Variants in NF2 observed in about 807,000 individuals in gnomAD.
NF2 encodes the protein merlin.
Under a neutral mutation model 83.7 loss-of-function variants are expected in NF2, and 8 were observed. The observed-to-expected ratio is 0.10, with a 90% confidence interval of 0.06 to 0.17. NF2 has a LOEUF of 0.17. Among genes scored for constraint, NF2 ranks in the 10% least tolerant of loss-of-function variants. The probability of loss-of-function intolerance (pLI) is 1.00; values close to 1 mark genes in which losing one functional copy is unlikely to be tolerated. For missense variants in NF2, 533 were observed against 744.4 expected (o/e 0.72, Z 3.31); for synonymous variants, 266 against 269.6 (o/e 0.99, Z 0.13).
chr22:29,656,890 G>T (rs2066328515), intron 6 of NF2, among the ~76,000 whole-genome samples: 1 of 133,914 alleles, frequency 7.5e-6, no homozygotes, highest in Non-Finnish European at 1.5e-5. Context: ...GTTTTTATCA[G>T]TCTAATTTTT....
intron 7 of NF2, among the ~76,000 whole-genome samples, chr22:29,659,123 C>G (rs559493759): frequency 1.3e-5 from 2 of 152,270 alleles, no homozygotes; most frequent in South Asian, 4.1e-4. Flanking sequence ...GAAAATAAGG[C>G]ACACTTAAAG....
intron 14 of NF2, among the ~76,000 whole-genome samples, chr22:29,679,170 C>CCAT (rs919282990): frequency 6.6e-6 from 1 of 152,220 alleles, no homozygotes; most frequent in Non-Finnish European, 1.5e-5. Flanking sequence ...TTAGTGAACT[C>CCAT]CACCAGCATC....
Position 29,640,654 on chromosome 22 carries a change from G to T in NF2, c.363+1442G>T, listed in dbSNP as rs571521448. Among the ~76,000 whole-genome samples the T allele has an allele frequency of 1.8e-4, 27 of 152,250 alleles. No individual in the cohort carries two copies. In the South Asian group the frequency reaches 5.4e-3, roughly 30 times the overall value. ...ATGATTTCCCAGAGATAGTTGGGTA[G>T]TCTGTCACATAGCCCTCCTGTAATT... On this transcript the variant is annotated intron_variant, in intron 3 of 15. Transcript: ENST00000338641.
At chr22:29,641,175 T>C (rs2065800636) in intron 3 of NF2, among the ~76,000 whole-genome samples, 1 of 133,792 alleles carries the variant, frequency 7.5e-6, no homozygotes, top group South Asian at 2.9e-4. Flanking sequence ...ATAGCGTTGC[T>C]TTTTCCCCCC....
chr22:29,660,718 A>G (rs953031407), intron 7 of NF2, among the ~76,000 whole-genome samples: 3 of 150,410 alleles, frequency 2.0e-5, no homozygotes, highest in African/African-American at 7.3e-5. Context: ...GCGTGCCACC[A>G]TGCCCGGCTA....
intron 3 of NF2, among the ~76,000 whole-genome samples, chr22:29,641,370 T>C (rs1296933380): frequency 1.3e-5 from 2 of 152,218 alleles, no homozygotes; most frequent in Non-Finnish European, 2.9e-5. Context: ...ATGGCTTTCT[T>C]GTAAGTACTT....
intron 1 of NF2, among the ~76,000 whole-genome samples, chr22:29,629,185 C>T (rs1165198926): frequency 6.6e-6 from 1 of 152,006 alleles, no homozygotes; most frequent in African/African-American, 2.4e-5. Flanking sequence ...GATGGTTTTG[C>T]GGTTTAATCA....
chr22:29,679,881 A>G (rs564997564), intron 14 of NF2, among the ~76,000 whole-genome samples: 3 of 150,562 alleles, frequency 2.0e-5, no homozygotes, highest in Admixed American at 2.0e-4. Context: ...AAAAAAAAAG[A>G]AAAGAAAGAA....
rs184700988 is a variant in NF2 at position 29,681,007 on chromosome 22, T to C, written c.1575-432T>C. 1.1e-4 allele frequency among the ~76,000 whole-genome samples: 17 copies of C among 151,982 alleles called. No individual in the cohort carries two copies. In the East Asian group the frequency reaches 2.5e-3, roughly 22 times the overall value. ...GAGCTGGTATTTGTAGAGCCCCCTA[T>C]GAGAATTTACCAAGGGCTTTTCTAC... On this transcript the variant is annotated intron_variant, in intron 14 of 15. Transcript: ENST00000338641.
At chr22:29,664,369 T>C (rs2147029783) in intron 8 of NF2, among the ~76,000 whole-genome samples, 1 of 120,282 alleles carries the variant, frequency 8.3e-6, no homozygotes, top group Admixed American at 8.3e-5. Context: ...AAAAAGCTAA[T>C]ACCACACACA....
intron 3 of NF2, among the ~76,000 whole-genome samples, chr22:29,641,982 T>G (rs1001111085): frequency 6.6e-6 from 1 of 152,124 alleles, no homozygotes; most frequent in Non-Finnish European, 1.5e-5. Context: ...AGAGAAGAGA[T>G]AAGGGGTTTT....
At chr22:29,630,155 A>T (rs773413538) in intron 1 of NF2, among the ~76,000 whole-genome samples, 21 of 152,252 alleles carry the variant, frequency 1.4e-4, no homozygotes, top group Non-Finnish European at 1.0e-4. Flanking sequence ...GCCAGTTGCA[A>T]GATGGCTGTT....
chr22:29,687,410 C>T (rs2067296740), intron 15 of NF2, among the ~76,000 whole-genome samples: 1 of 152,112 alleles, frequency 6.6e-6, no homozygotes, highest in African/African-American at 2.4e-5. Context: ...TGTGCAGGCT[C>T]CCCTTGGAGT....
At chr22:29,627,035 C>T (rs960177847) in intron 1 of NF2, among the ~76,000 whole-genome samples, 9 of 151,966 alleles carry the variant, frequency 5.9e-5, no homozygotes, top group South Asian at 4.2e-4. Context: ...GAGTAAGGAA[C>T]GTAATAGCAG....
chr22:29,607,137 A>G (rs1404228135), intron 1 of NF2, among the ~76,000 whole-genome samples: 1 of 152,204 alleles, frequency 6.6e-6, no homozygotes, highest in Non-Finnish European at 1.5e-5. Context: ...ATGTATCGAA[A>G]TACTACAGGT....
chr22:29,609,842 A>AT (rs1328754319), intron 1 of NF2, among the ~76,000 whole-genome samples: 1 of 152,044 alleles, frequency 6.6e-6, no homozygotes, highest in Admixed American at 6.6e-5. Context: ...TATAAAAACA[A>AT]TTTTTTTCTG....
At chr22:29,682,444 C>T (rs1850915462) in intron 15 of NF2, among the ~76,000 whole-genome samples, 1 of 152,160 alleles carries the variant, frequency 6.6e-6, no homozygotes, top group African/African-American at 2.4e-5. Flanking sequence ...TCTGAAAACT[C>T]CAGGGGATCT....
intron 4 of NF2, 68 bp from the exon 5 acceptor site, chr22:29,654,589 C>T (rs2146965587): frequency 7.4e-7 from 1 of 1,346,654 alleles, no homozygotes; most frequent in South Asian, 1.2e-5. Context: ...GAGATTGGTC[C>T]AGCTCTGTTC....
In NF2 at chr22:29,604,058, G is replaced by A; in HGVS notation, c.60G>A (p.Lys20=). 6.2e-7 allele frequency: 1 copy of A among 1,607,804 alleles called. No homozygotes were observed. Among genetic ancestry groups the A allele is most frequent in the South Asian group, 1.1e-5 (1 of 89,810 alleles). Residue 20 remains lysine, a synonymous_variant, in exon 1 of 16, where the codon AAG becomes AAA. Coordinates refer to ENST00000338641, the MANE Select transcript of NF2 (RefSeq NM_000268.4). ...GCTCTCTCAAGAGGAAGCAACCCAA[G>A]ACGTTCACCGTGAGGATCGTCACCA... ...SFSSLKRKQP[K]TFTVRIVTMD... is the part of the protein sequence containing the mutation.
Sources: allele counts gnomAD v4.1 joint callset (sites outside exome capture counted in the v4.1 genomes callset), GRCh38; gene constraint gnomAD v4.1.1; transcripts MANE v1.5; gene names NCBI Gene and HGNC (gene_info 2026-07-23, HGNC 2026-07-21).